HS6ST3: variants seen among roughly 807,000 people sequenced by gnomAD.
HS6ST3 encodes the protein heparan-sulfate 6-O-sulfotransferase 3.
In HS6ST3, 12 loss-of-function variants were observed where a neutral mutation model predicts 36.7. That is an observed-to-expected ratio of 0.33 (90% CI 0.21 to 0.53). HS6ST3 has a LOEUF of 0.53. Ranked by LOEUF, HS6ST3 falls within the 20% of genes least tolerant of loss-of-function variation. The probability of loss-of-function intolerance (pLI) is 0.95; values close to 1 mark genes in which losing one functional copy is unlikely to be tolerated. For synonymous variants in HS6ST3, 240 were observed against 257.5 expected (o/e 0.93, Z 0.65); for missense variants, 584 against 640.9 (o/e 0.91, Z 0.96).
In HS6ST3 at chr13:96,121,927, C is replaced by T. The variant is rs533116698; in HGVS notation, c.707+30358C>T. ...TAACATGAGAAAAGGGTTATCATTA[C>T]CATGGCAATGAGGAGTAACGTTTGT... On this transcript the variant is annotated intron_variant, in intron 1 of 1. Coordinates refer to ENST00000376705, the MANE Select transcript of HS6ST3 (RefSeq NM_153456.4). Among the ~76,000 whole-genome samples the T allele has an allele frequency of 1.1e-4, 16 of 152,154 alleles. No homozygotes were observed. In the South Asian group the frequency reaches 3.3e-3, roughly 32 times the overall value.
chr13:96,755,185 A>G (rs553826294), intron 1 of HS6ST3, among the ~76,000 whole-genome samples: 1 of 152,078 alleles, frequency 6.6e-6, no homozygotes, highest in South Asian at 2.1e-4. Context: ...TAGATAAGCC[A>G]TTGTCTTGAT....
At chr13:96,311,462 A>C (rs2054940661) in intron 1 of HS6ST3, among the ~76,000 whole-genome samples, 2 of 152,166 alleles carry the variant, frequency 1.3e-5, no homozygotes, top group Admixed American at 1.3e-4. Context: ...AAGGTAGAGG[A>C]AGGAGATAAA....
At chr13:96,679,994 G>C (rs1482145236) in intron 1 of HS6ST3, among the ~76,000 whole-genome samples, 3 of 152,056 alleles carry the variant, frequency 2.0e-5, no homozygotes, top group Non-Finnish European at 4.4e-5. Flanking sequence ...ACGTGGGGAA[G>C]GAAGGCAAAG....
At chr13:96,206,623 G>A (rs1016222983) in intron 1 of HS6ST3, among the ~76,000 whole-genome samples, 3 of 152,102 alleles carry the variant, frequency 2.0e-5, no homozygotes, top group Non-Finnish European at 4.4e-5. Flanking sequence ...ACAGACCAAT[G>A]GAAGAGAATA....
intron 1 of HS6ST3, among the ~76,000 whole-genome samples, chr13:96,646,424 T>G (rs553523146): frequency 6.6e-6 from 1 of 152,088 alleles, no homozygotes; most frequent in East Asian, 1.9e-4. Context: ...CATTCTTTCT[T>G]GAAAAGAAAA....
At chr13:96,105,729 T>G (rs1360443358) in intron 1 of HS6ST3, among the ~76,000 whole-genome samples, 1 of 152,252 alleles carries the variant, frequency 6.6e-6, no homozygotes, top group Non-Finnish European at 1.5e-5. Context: ...TGTTTAATTT[T>G]GAAATTATTT....
At chr13:96,154,280 A>G (rs1046665838) in intron 1 of HS6ST3, among the ~76,000 whole-genome samples, 3 of 152,164 alleles carry the variant, frequency 2.0e-5, no homozygotes, top group African/African-American at 7.2e-5. Context: ...GAGATAGGGA[A>G]TAAGATAATT....
chr13:96,256,889 C>T (rs886240403), intron 1 of HS6ST3, among the ~76,000 whole-genome samples: 12 of 151,704 alleles, frequency 7.9e-5, no homozygotes, highest in Admixed American at 5.2e-4. Flanking sequence ...TAAATATTTA[C>T]GTCGGGACAA....
At chr13:96,156,364 C>G (rs1396289900) in intron 1 of HS6ST3, among the ~76,000 whole-genome samples, 1 of 152,116 alleles carries the variant, frequency 6.6e-6, no homozygotes, top group Non-Finnish European at 1.5e-5. Flanking sequence ...GCTGAAAACC[C>G]AGATATGGTT....
At chr13:96,203,051 T>C (rs2054351006) in intron 1 of HS6ST3, among the ~76,000 whole-genome samples, 1 of 152,188 alleles carries the variant, frequency 6.6e-6, no homozygotes, top group African/African-American at 2.4e-5. Context: ...TCATTCATGT[T>C]ACTGTCTGCC....
At chr13:96,264,976 A>C (rs574329905) in intron 1 of HS6ST3, among the ~76,000 whole-genome samples, 1 of 152,264 alleles carries the variant, frequency 6.6e-6, no homozygotes, top group African/African-American at 2.4e-5. Flanking sequence ...CCCAACCCAA[A>C]GACATTATAT....
intron 1 of HS6ST3, among the ~76,000 whole-genome samples, chr13:96,667,392 A>AT (rs1471292503): frequency 6.6e-6 from 1 of 152,178 alleles, no homozygotes; most frequent in Admixed American, 6.5e-5. Flanking sequence ...AAGTTATAGG[A>AT]TAAAAAAAGC....
intron 1 of HS6ST3, among the ~76,000 whole-genome samples, chr13:96,813,875 C>T (rs529780102): frequency 6.6e-6 from 1 of 152,198 alleles, no homozygotes; most frequent in African/African-American, 2.4e-5. Context: ...CATTTCTAGT[C>T]CTTAAAATAA....
At chr13:96,263,681 C>T (rs2054677476) in intron 1 of HS6ST3, among the ~76,000 whole-genome samples, 1 of 152,106 alleles carries the variant, frequency 6.6e-6, no homozygotes, top group African/African-American at 2.4e-5. Flanking sequence ...TTTAATGAAT[C>T]ACAAAAGATT....
intron 1 of HS6ST3, among the ~76,000 whole-genome samples, chr13:96,289,556 T>C (rs921486518): frequency 2.0e-5 from 3 of 152,146 alleles, no homozygotes; most frequent in Non-Finnish European, 4.4e-5. Flanking sequence ...ATTTTACATA[T>C]ATGCAAAATT....
At chr13:96,092,056 T>G (rs1156431666) in intron 1 of HS6ST3, among the ~76,000 whole-genome samples, 1 of 152,136 alleles carries the variant, frequency 6.6e-6, no homozygotes, top group African/African-American at 2.4e-5. Context: ...CCTCCCTAAG[T>G]GGCTTTTGGA....
intron 1 of HS6ST3, among the ~76,000 whole-genome samples, chr13:96,114,085 G>A (rs1349400215): frequency 6.6e-6 from 1 of 151,830 alleles, no homozygotes. Context: ...ATAATAAAAT[G>A]AAAAAAGTTG....
intron 1 of HS6ST3, among the ~76,000 whole-genome samples, chr13:96,266,510 A>G (rs1170415660): frequency 6.6e-6 from 1 of 152,198 alleles, no homozygotes; most frequent in Non-Finnish European, 1.5e-5. Context: ...AAAATTTTAC[A>G]TTATTCATTC....
intron 1 of HS6ST3, among the ~76,000 whole-genome samples, chr13:96,425,199 A>C (rs2055580587): frequency 6.6e-6 from 1 of 152,240 alleles, no homozygotes; most frequent in South Asian, 2.1e-4. Flanking sequence ...CCAGCCTCTT[A>C]GATCATTGTG....
Sources: gnomAD v4.1 joint callset for allele counts (sites outside exome capture counted in the v4.1 genomes callset) on GRCh38, gnomAD v4.1.1 for gene constraint, MANE v1.5 for transcripts, NCBI Gene and HGNC (gene_info 2026-07-23, HGNC 2026-07-21) for gene names.